The following LTBP1 variants were observed in gnomAD, a reference collection of about 807,000 sequenced individuals.
LTBP1 encodes the protein latent-transforming growth factor beta-binding protein 1.
LTBP1 carries 129 observed loss-of-function variants against 207.6 expected under a neutral mutation model. That is an observed-to-expected ratio of 0.62 (90% CI 0.54 to 0.72). LTBP1 has a LOEUF of 0.72. LTBP1 is among the 30% of genes least tolerant of loss of function. The pLI, the probability that LTBP1 is intolerant of heterozygous loss-of-function variation, is 0.00. For synonymous variants in LTBP1, 963 were observed against 833.7 expected, an observed-to-expected ratio of 1.16 and a Z score of -2.67; for missense variants, 2,281 against 2,217.2, an observed-to-expected ratio of 1.03 and a Z score of -0.58.
In LTBP1 at chr2:33,342,835, CA is replaced by C; in HGVS notation, c.3731-2del. 2 of 1,610,652 alleles carry C rather than the reference CA, an allele frequency of 1.2e-6. No individual in the cohort carries two copies. Among genetic ancestry groups the C allele is most frequent in the Non-Finnish European group, 1.7e-6 (2 of 1,178,474 alleles). ...TGTCTGATGTTCCATGTCTTTTTTG[CA>C]GATATTGATGAATGTGTAAACAACA... On this transcript the variant is annotated splice_acceptor_variant, in intron 24 of 33. Transcript: ENST00000404816. LOFTEE classifies it high-confidence loss of function.
chr2:33,232,412 A>G (rs987937590), intron 9 of LTBP1, among the ~76,000 whole-genome samples: 3 of 152,194 alleles, frequency 2.0e-5, no homozygotes, highest in African/African-American at 7.2e-5. Context: ...AACCTCTTGG[A>G]TATTTGAAAG....
intron 4 of LTBP1, among the ~76,000 whole-genome samples, chr2:33,120,760 A>T (rs1262891611): frequency 6.6e-6 from 1 of 152,192 alleles, no homozygotes; most frequent in Non-Finnish European, 1.5e-5. Context: ...CTCTTTGAGG[A>T]ATTGCCAAAC....
At chr2:33,072,372 A>G (rs566351534) in intron 3 of LTBP1, among the ~76,000 whole-genome samples, 2 of 152,220 alleles carry the variant, frequency 1.3e-5, no homozygotes, top group Non-Finnish European at 2.9e-5. Flanking sequence ...TTGGATAGGC[A>G]TGATTGAAGC....
chr2:33,243,189 T>G (rs80352913), intron 9 of LTBP1, among the ~76,000 whole-genome samples: 3,628 of 152,298 alleles, frequency 0.024, 138 homozygotes, highest in East Asian at 0.15. Context: ...TTCTGTGGCT[T>G]TTACTGTCTG....
In LTBP1 at chr2:33,181,131, G is replaced by A. The variant is rs2086587403; in HGVS notation, c.1202-5725G>A. ...AGCCAGGGAGCGGGTGGAGTGGCCAGGACCCTGCTGCAGGAAGGTCAAGAA... is the reference window on the plus strand; with the variant it reads ...AGCCAGGGAGCGGGTGGAGTGGCCAAGACCCTGCTGCAGGAAGGTCAAGAA... On this transcript the variant is annotated intron_variant, in intron 5 of 33. Coordinates refer to ENST00000404816, the MANE Select transcript of LTBP1 (RefSeq NM_206943.4). Among the ~76,000 whole-genome samples, 2 of 152,168 alleles carry A rather than the reference G, an allele frequency of 1.3e-5. 1 individual carries two copies. The highest frequency in any genetic ancestry group is 4.1e-4 in the South Asian group (2 of 4,832).
At chr2:33,303,234 C>A (rs1415667421) in intron 22 of LTBP1, among the ~76,000 whole-genome samples, 1 of 152,062 alleles carries the variant, frequency 6.6e-6, no homozygotes, top group South Asian at 2.1e-4. Context: ...TGGTCCCCAA[C>A]TTTTTTGGCA....
chr2:33,302,758 G>A (rs1183148144), intron 22 of LTBP1, among the ~76,000 whole-genome samples: 2 of 152,076 alleles, frequency 1.3e-5, no homozygotes, highest in South Asian at 2.1e-4. Flanking sequence ...CCAGTGAAAA[G>A]TTGTAATCAA....
chr2:32,948,615 T>G (rs1479990169), intron 1 of LTBP1, among the ~76,000 whole-genome samples: 3 of 152,230 alleles, frequency 2.0e-5, no homozygotes, highest in Non-Finnish European at 4.4e-5. Context: ...AACCATTTGT[T>G]GGGCCCTGTT....
At chr2:33,088,376 C>A (rs10181426) in intron 3 of LTBP1, among the ~76,000 whole-genome samples, 10,349 of 151,938 alleles carry the variant, frequency 0.068, 405 homozygotes, top group South Asian at 0.14. Flanking sequence ...CACTTGAACC[C>A]GGGAGGCGGA....
chr2:33,057,214 C>T lies in LTBP1; in HGVS notation c.863+36008C>T, dbSNP rs189651628. On this transcript the variant is annotated intron_variant, in intron 3 of 33. Coordinates refer to ENST00000404816, the MANE Select transcript of LTBP1 (RefSeq NM_206943.4). ...AGATACAGAGTGCCGATTGGTGCAT[C>T]CACAAATCCTGAGCTAGAGACAGGG... Among the ~76,000 whole-genome samples, 625 of 151,738 alleles carry T rather than the reference C, an allele frequency of 4.1e-3. 13 individuals carry two copies. Among genetic ancestry groups the T allele is most frequent in the African/African-American group, 0.014 (576 of 41,484 alleles).
intron 9 of LTBP1, among the ~76,000 whole-genome samples, chr2:33,227,595 T>C (rs958136460): frequency 2.0e-5 from 3 of 152,044 alleles, no homozygotes; most frequent in Non-Finnish European, 4.4e-5. Context: ...CAGACAGTAG[T>C]AGGATTTCCT....
At chr2:33,185,583 A>G (rs74769792) in intron 5 of LTBP1, among the ~76,000 whole-genome samples, 2,258 of 152,304 alleles carry the variant, frequency 0.015, 22 homozygotes, top group East Asian at 0.027. Context: ...ATAAAGAACA[A>G]GTAAAGAGAG....
At chr2:33,159,640 T>C (rs1166071602) in intron 5 of LTBP1, among the ~76,000 whole-genome samples, 2 of 152,224 alleles carry the variant, frequency 1.3e-5, no homozygotes, top group Non-Finnish European at 2.9e-5. Flanking sequence ...CCATTTAGGC[T>C]TCTTTAGTTT....
At chr2:33,264,025 G>C (rs1261473867) in intron 15 of LTBP1, among the ~76,000 whole-genome samples, 5 of 151,182 alleles carry the variant, frequency 3.3e-5, no homozygotes, top group Non-Finnish European at 7.4e-5. Flanking sequence ...GGAGGTCGAG[G>C]TGGGCAGATC....
At chr2:33,311,561 C>T (rs1043689827) in intron 23 of LTBP1, among the ~76,000 whole-genome samples, 1 of 143,640 alleles carries the variant, frequency 7.0e-6, no homozygotes, top group Non-Finnish European at 1.5e-5. Flanking sequence ...GGAAACCAAA[C>T]CCTGACTCTT....
At chr2:33,363,198 C>T (rs1054796716) in intron 28 of LTBP1, among the ~76,000 whole-genome samples, 192 bp from the exon 29 acceptor site, 1 of 152,206 alleles carries the variant, frequency 6.6e-6, no homozygotes, top group Non-Finnish European at 1.5e-5. Context: ...CACAGACAAA[C>T]TACATCTGTT....
intron 2 of LTBP1, among the ~76,000 whole-genome samples, chr2:33,015,253 C>G (rs1436166891): frequency 6.6e-6 from 1 of 152,148 alleles, no homozygotes; most frequent in Non-Finnish European, 1.5e-5. Context: ...GCAGAGTTTA[C>G]TTGAATTTAA....
intron 7 of LTBP1, among the ~76,000 whole-genome samples, chr2:33,205,536 G>T (rs17567417): frequency 1.3e-5 from 2 of 151,964 alleles, no homozygotes; most frequent in Non-Finnish European, 2.9e-5. Flanking sequence ...TCAGGGACTT[G>T]GGTTGATAGT....
chr2:33,134,805 C>T lies in LTBP1; in HGVS notation c.1046C>T (p.Thr349Ile). 1 of 1,614,140 alleles carries T rather than the reference C, an allele frequency of 6.2e-7. No individual in the cohort carries two copies. Among genetic ancestry groups the T allele is most frequent in the South Asian group, 1.1e-5 (1 of 91,070 alleles). The change falls in exon 5 of 34, where the codon ACT becomes ATT. Residue 349 changes from threonine to isoleucine, a missense_variant. Thr to Ile is a moderately conservative substitution (Grantham distance 89). This residue lies in a region of LTBP1 where 555 missense variants were observed against 491.0 expected (regional missense o/e 1.13). Coordinates refer to ENST00000404816, the MANE Select transcript of LTBP1 (RefSeq NM_206943.4). This position sits in a 1 kb window ranked among gnomAD's most constrained non-coding sequence, Gnocchi z 4.4. ...VAAPFQLSNH[T>I]GRIKVVFTPS... is the part of the protein sequence containing the mutation. ...CCTCCGCTCCTAGTGAGTAACCACA[C>T]TGGCCGCATCAAGGTGGTCTTTACT...
Sources: gnomAD v4.1 joint callset for allele counts (sites outside exome capture counted in the v4.1 genomes callset) on GRCh38, gnomAD v4.1.1 for gene constraint, gnomAD v4.1.1 regional missense constraint, Gnocchi (gnomAD v3.1) non-coding constraint, MANE v1.5 for transcripts, NCBI Gene and HGNC (gene_info 2026-07-23, HGNC 2026-07-21) for gene names.